The following MCU variants were observed in gnomAD, a reference collection of about 807,000 sequenced individuals.
The protein encoded by MCU is mitochondrial calcium uniporter, also known as calcium uniporter protein, mitochondrial.
In MCU, 12 loss-of-function variants were observed where a neutral mutation model predicts 45.2. The observed-to-expected ratio is 0.27, with a 90% CI of 0.17 to 0.43. The LOEUF (loss-of-function observed/expected upper bound fraction) is 0.43, where lower values mean the gene tolerates loss of function less well. Ranked by LOEUF, MCU falls within the 20% of genes least tolerant of loss-of-function variation. The probability of loss-of-function intolerance (pLI) is 1.00; values close to 1 mark genes in which losing one functional copy is unlikely to be tolerated. For missense variants in MCU, 324 were observed against 436.7 expected (o/e 0.74, Z 2.30); for synonymous variants, 160 against 165.1 (o/e 0.97, Z 0.24).
chr10:72,831,275 G>A (rs1844874058), intron 1 of MCU, among the ~76,000 whole-genome samples: 1 of 152,154 alleles, frequency 6.6e-6, no homozygotes, highest in Non-Finnish European at 1.5e-5. Context: ...CTTAAGATTG[G>A]GGTGGAGGGG....
At chr10:72,883,165 A>C (rs1283984313) in intron 6 of MCU, among the ~76,000 whole-genome samples, 2 of 152,240 alleles carry the variant, frequency 1.3e-5, no homozygotes, top group African/African-American at 2.4e-5. Flanking sequence ...TGAAATGTCC[A>C]GAATAGACAA....
chr10:72,707,606 G>GGTGT (rs373225323), intron 1 of MCU, among the ~76,000 whole-genome samples: 5,346 of 134,982 alleles, frequency 0.04, 230 homozygotes, highest in East Asian at 0.22. Context: ...CGTGGTGAGT[G>GGTGT]GTGTGTGTGT....
At chr10:72,837,597 A>C (rs567045692) in intron 2 of MCU, among the ~76,000 whole-genome samples, 35 of 152,330 alleles carry the variant, frequency 2.3e-4, no homozygotes, top group Non-Finnish European at 4.7e-4. Flanking sequence ...GTAGTGCTAA[A>C]GACCTCAAAT....
At chr10:72,882,878 C>G (rs1845725823) in intron 6 of MCU, among the ~76,000 whole-genome samples, 1 of 152,134 alleles carries the variant, frequency 6.6e-6, no homozygotes, top group Non-Finnish European at 1.5e-5. Flanking sequence ...ACGGAACCTA[C>G]CGACATGTGA....
At chr10:72,712,128 A>G (rs1374330807) in intron 1 of MCU, among the ~76,000 whole-genome samples, 2 of 152,132 alleles carry the variant, frequency 1.3e-5, no homozygotes, top group Non-Finnish European at 2.9e-5. Flanking sequence ...TCTCTATTTC[A>G]TATATTTAAA....
chr10:72,768,188 G>T (rs755582311), intron 1 of MCU, among the ~76,000 whole-genome samples: 12 of 152,068 alleles, frequency 7.9e-5, no homozygotes, highest in Non-Finnish European at 1.6e-4. Context: ...AAATAAAATT[G>T]TCATAGAATC....
intron 1 of MCU, among the ~76,000 whole-genome samples, chr10:72,709,089 T>C (rs1447131290): frequency 6.6e-6 from 1 of 152,186 alleles, no homozygotes; most frequent in Non-Finnish European, 1.5e-5. Flanking sequence ...TGCTGGACAC[T>C]GCAGAAGAGA....
chr10:72,843,189 G>A (rs890395416), intron 2 of MCU, among the ~76,000 whole-genome samples: 3 of 152,064 alleles, frequency 2.0e-5, no homozygotes, highest in African/African-American at 4.8e-5. Context: ...TAGGGTTTAC[G>A]CTTGGTGTTT....
intron 1 of MCU, among the ~76,000 whole-genome samples, chr10:72,815,032 T>C (rs1343083261): frequency 6.6e-6 from 1 of 152,238 alleles, no homozygotes; most frequent in Non-Finnish European, 1.5e-5. Context: ...GAGGAAATTA[T>C]ATCAATTTAA....
At chr10:72,737,036 T>C (rs555957671) in intron 1 of MCU, among the ~76,000 whole-genome samples, 1 of 152,368 alleles carries the variant, frequency 6.6e-6, no homozygotes, top group East Asian at 1.9e-4. Context: ...GTGAAGCGTG[T>C]GGGGTATATG....
chr10:72,722,536 A>T (rs76003703), intron 1 of MCU, among the ~76,000 whole-genome samples: 1 of 150,506 alleles, frequency 6.6e-6, no homozygotes, highest in Non-Finnish European at 1.5e-5. Flanking sequence ...TTTTTTTTTA[A>T]CATGCAACTA....
chr10:72,692,643 A>G, intron 1 of MCU: 1 of 1,145,774 alleles, frequency 8.7e-7, no homozygotes, highest in African/African-American at 1.6e-5. Context: ...GCCCTGCCCC[A>G]AGGCTCCCTG....
intron 1 of MCU, among the ~76,000 whole-genome samples, chr10:72,828,032 A>G (rs992031564): frequency 3.3e-5 from 5 of 152,232 alleles, no homozygotes; most frequent in African/African-American, 1.2e-4. Flanking sequence ...AAGCTGTTAT[A>G]GGTGTGTCTT....
chr10:72,810,713 T>C (rs575453756), intron 1 of MCU, among the ~76,000 whole-genome samples: 1 of 152,052 alleles, frequency 6.6e-6, no homozygotes, highest in South Asian at 2.1e-4. Flanking sequence ...CAGGCTGGTC[T>C]TGAACTCCTG....
At chr10:72,800,307 T>A (rs1844319343) in intron 1 of MCU, among the ~76,000 whole-genome samples, 1 of 152,240 alleles carries the variant, frequency 6.6e-6, no homozygotes, top group South Asian at 2.1e-4. Context: ...TTATTTAAAA[T>A]ATTGTATAAA....
At chr10:72,738,627 T>G (rs1476493908) in intron 1 of MCU, among the ~76,000 whole-genome samples, 6 of 152,206 alleles carry the variant, frequency 3.9e-5, no homozygotes, top group Non-Finnish European at 8.8e-5. Context: ...AACTTACAGT[T>G]TCTTATCTGT....
chr10:72,867,938 T>C (rs1385214879), intron 4 of MCU, among the ~76,000 whole-genome samples: 1 of 152,022 alleles, frequency 6.6e-6, no homozygotes, highest in Non-Finnish European at 1.5e-5. Flanking sequence ...TACTATATAT[T>C]TTTCCCTTAG....
chr10:72,713,197 G>C (rs953923106), intron 1 of MCU, among the ~76,000 whole-genome samples: 4 of 152,130 alleles, frequency 2.6e-5, no homozygotes, highest in Non-Finnish European at 5.9e-5. Flanking sequence ...AACTTAATTA[G>C]AATGAAAAAA....
intron 1 of MCU, among the ~76,000 whole-genome samples, chr10:72,791,268 C>T (rs2132764727): frequency 6.6e-6 from 1 of 152,260 alleles, no homozygotes; most frequent in East Asian, 1.9e-4. Context: ...GTATGAAGCT[C>T]AGCTGCTGGC....
Sources: gnomAD v4.1 joint callset for allele counts (sites outside exome capture counted in the v4.1 genomes callset) on GRCh38, gnomAD v4.1.1 for gene constraint, MANE v1.5 for transcripts, NCBI Gene and HGNC (gene_info 2026-07-23, HGNC 2026-07-21) for gene names.